The following GLIS3 variants were observed in gnomAD, a reference collection of about 807,000 sequenced individuals.
The protein encoded by GLIS3 is zinc finger protein GLIS3.
In GLIS3, 53 loss-of-function variants were observed where a neutral mutation model predicts 78.6. The ratio of observed to expected loss-of-function variants is 0.67; its 90% confidence interval spans 0.54 to 0.85. GLIS3 has a LOEUF of 0.85. GLIS3 is among the 40% of genes least tolerant of loss of function. The pLI is 0.00. For missense variants in GLIS3, 1,703 were observed against 1,231.1 expected (o/e 1.38, Z -5.74); for synonymous variants, 684 against 509.9 (o/e 1.34, Z -4.60).
intron 4 of GLIS3, among the ~76,000 whole-genome samples, chr9:4,040,285 G>GA (rs1824688763): frequency 7.1e-6 from 1 of 140,700 alleles, no homozygotes; most frequent in East Asian, 2.4e-4. Context: ...ACTTCACAAG[G>GA]TAAAAAAAAC....
the GLIS3 span, among the ~76,000 whole-genome samples, chr9:4,410,464 T>C: frequency 1.3e-5 from 2 of 152,186 alleles, no homozygotes; most frequent in African/African-American, 2.4e-5. Flanking sequence ...TAAGTATATA[T>C]AAAGAATTCA....
chr9:3,951,306 C>G (rs1022017863), intron 4 of GLIS3, among the ~76,000 whole-genome samples: 1 of 151,966 alleles, frequency 6.6e-6, no homozygotes, highest in Non-Finnish European at 1.5e-5. Context: ...TAAGAACATA[C>G]TGTATTAGTA....
chr9:4,210,927 G>A (rs1344324374), intron 2 of GLIS3, among the ~76,000 whole-genome samples: 1 of 152,136 alleles, frequency 6.6e-6, no homozygotes, highest in African/African-American at 2.4e-5. Flanking sequence ...AAGCTTCCCT[G>A]ACAGCTTTAG....
At chr9:4,467,404 T>C in the GLIS3 span, among the ~76,000 whole-genome samples, 1 of 152,116 alleles carries the variant, frequency 6.6e-6, no homozygotes, top group Non-Finnish European at 1.5e-5. Flanking sequence ...TGATACCTCA[T>C]ATGGCCACAG....
chr9:4,111,961 C>T (rs1356231936), intron 4 of GLIS3, among the ~76,000 whole-genome samples: 1 of 152,160 alleles, frequency 6.6e-6, no homozygotes, highest in Non-Finnish European at 1.5e-5. Flanking sequence ...TAGTAATTTA[C>T]CAACTCTTCA....
At chr9:4,447,870 C>T in the GLIS3 span, among the ~76,000 whole-genome samples, 6,269 of 152,122 alleles carry the variant, frequency 0.041, 151 homozygotes, top group Non-Finnish European at 0.061. Flanking sequence ...TTTTCTGGTT[C>T]CCTTTTACAT....
At chr9:4,135,452 T>C (rs1049423056) in intron 2 of GLIS3, among the ~76,000 whole-genome samples, 7 of 152,300 alleles carry the variant, frequency 4.6e-5, no homozygotes, top group African/African-American at 7.2e-5. Flanking sequence ...TAGGCACACA[T>C]TGACCCCTAT....
chr9:3,858,291 G>C (rs1819919997), intron 8 of GLIS3, among the ~76,000 whole-genome samples: 1 of 152,078 alleles, frequency 6.6e-6, no homozygotes, highest in African/African-American at 2.4e-5. Context: ...TCTATATCTA[G>C]ATCCTATATA....
intron 4 of GLIS3, among the ~76,000 whole-genome samples, chr9:3,998,117 G>A (rs553302334): frequency 3.3e-5 from 5 of 152,242 alleles, no homozygotes; most frequent in East Asian, 1.9e-4. Context: ...TCTATGACAT[G>A]ATTCCCATTA....
At chr9:4,377,704 T>G in the GLIS3 span, among the ~76,000 whole-genome samples, 1 of 152,198 alleles carries the variant, frequency 6.6e-6, no homozygotes, top group South Asian at 2.1e-4. Context: ...ACACTAATAA[T>G]ATTATTGTTA....
chr9:4,431,469 T>C, the GLIS3 span, among the ~76,000 whole-genome samples: 1 of 152,196 alleles, frequency 6.6e-6, no homozygotes, highest in Non-Finnish European at 1.5e-5. Flanking sequence ...TTGCTCCATG[T>C]AGTCAATCAG....
At chr9:4,321,842 G>A (rs998574077) in intron 2 of GLIS3, among the ~76,000 whole-genome samples, 2 of 151,954 alleles carry the variant, frequency 1.3e-5, no homozygotes, top group Non-Finnish European at 2.9e-5. Flanking sequence ...CCGAGTAGCT[G>A]GGATTATAGG....
chr9:3,881,757 G>T (rs1391654394), intron 7 of GLIS3, among the ~76,000 whole-genome samples: 1 of 152,146 alleles, frequency 6.6e-6, no homozygotes, highest in African/African-American at 2.4e-5. Flanking sequence ...GATACTCTAT[G>T]TGTGTTCCTG....
intron 2 of GLIS3, among the ~76,000 whole-genome samples, chr9:4,312,577 T>C (rs1324136804): frequency 9.2e-5 from 14 of 152,260 alleles, no homozygotes; most frequent in Admixed American, 8.5e-4. Flanking sequence ...GTTATACATA[T>C]GAAAAACAAA....
At chr9:4,230,058 G>A (rs974629701) in intron 2 of GLIS3, among the ~76,000 whole-genome samples, 3 of 152,198 alleles carry the variant, frequency 2.0e-5, no homozygotes, top group Admixed American at 6.5e-5. Context: ...TGGCATTCCT[G>A]GGGAAAGGAC....
intron 2 of GLIS3, among the ~76,000 whole-genome samples, chr9:4,235,442 T>C (rs890101090): frequency 3.3e-5 from 5 of 152,192 alleles, no homozygotes; most frequent in African/African-American, 1.2e-4. Flanking sequence ...ACTTTAAGTT[T>C]CTAACGACTT....
chr9:4,388,066 C>T, the GLIS3 span, among the ~76,000 whole-genome samples: 1 of 152,184 alleles, frequency 6.6e-6, no homozygotes, highest in Non-Finnish European at 1.5e-5. Flanking sequence ...TGAGGCAACA[C>T]ATGTACCATT....
the GLIS3 span, among the ~76,000 whole-genome samples, chr9:4,484,609 G>A: frequency 1.3e-5 from 2 of 151,676 alleles, no homozygotes; most frequent in African/African-American, 4.8e-5. Context: ...GTAGGGACAG[G>A]TTTCACCATG....
At chr9:4,208,440 G>C (rs1026083442) in intron 2 of GLIS3, among the ~76,000 whole-genome samples, 1 of 152,196 alleles carries the variant, frequency 6.6e-6, no homozygotes, top group Non-Finnish European at 1.5e-5. Flanking sequence ...AGCTTCCAGA[G>C]AGTGGTCTTA....
Sources: gnomAD v4.1 joint callset for allele counts (sites outside exome capture counted in the v4.1 genomes callset) on GRCh38, gnomAD v4.1.1 for gene constraint, MANE v1.5 for transcripts, NCBI Gene and HGNC (gene_info 2026-07-23, HGNC 2026-07-21) for gene names.